The following CMBL variants were observed in gnomAD, a reference collection of about 807,000 sequenced individuals.
The protein encoded by CMBL is carboxymethylenebutenolidase homolog, also known as carboxymethylenebutenolidase homolog (Pseudomonas).
Under a neutral mutation model 28.7 loss-of-function variants are expected in CMBL, and 17 were observed. That is an observed-to-expected ratio of 0.59 (90% CI 0.41 to 0.89). The LOEUF is 0.89. Ranked by LOEUF, CMBL falls within the 40% of genes least tolerant of loss-of-function variation. The pLI is 0.00. For missense variants in CMBL, 310 were observed against 298.5 expected (o/e 1.04, Z -0.28); for synonymous variants, 106 against 101.6 (o/e 1.04, Z -0.26).
In CMBL at chr5:10,286,390, T is replaced by G; in HGVS notation, c.430A>C (p.Lys144Gln). 6.2e-7 allele frequency: 1 copy of G among 1,613,954 alleles called. No individual in the cohort carries two copies. The highest frequency in any genetic ancestry group is 8.5e-7 in the Non-Finnish European group (1 of 1,179,984). ...GGTAVHHLMM[K>Q]YSEFRAGVSV... ...ACCCCTGCCCTGAATTCTGAGTATT[T>G]CATCATCAAATGATGGACAGCAGTT... Residue 144 changes from lysine (K) to glutamine (Q), a missense_variant, in exon 4 of 6, where the codon AAA becomes CAA. By Grantham distance (53) the Lys-to-Gln change is moderately conservative (BLOSUM62 1). Transcript: ENST00000296658.
chr5:10,287,702 T>TTAAA (rs1283213602), intron 3 of CMBL, among the ~76,000 whole-genome samples: 1 of 151,862 alleles, frequency 6.6e-6, no homozygotes, highest in Non-Finnish European at 1.5e-5. Context: ...TTTTAAAATT[T>TTAAA]TTAATTAATT....
chr5:10,283,183 G>A (rs1334261727), intron 4 of CMBL, among the ~76,000 whole-genome samples: 1 of 152,044 alleles, frequency 6.6e-6, no homozygotes, highest in African/African-American at 2.4e-5. Flanking sequence ...TATGGACTGG[G>A]AATCAGGCCA....
chr5:10,291,630 C>T (rs1219248915), intron 1 of CMBL, among the ~76,000 whole-genome samples: 2 of 150,556 alleles, frequency 1.3e-5, no homozygotes, highest in African/African-American at 2.5e-5. Context: ...CACTGCACTC[C>T]AGCCTGGGGG....
intron 1 of CMBL, chr5:10,292,240 C>G (rs1387957064): frequency 6.6e-6 from 1 of 152,024 alleles, no homozygotes; most frequent in Non-Finnish European, 1.5e-5. Context: ...GAGACAGGAT[C>G]TTGCCCCGGC....
chr5:10,293,772 C>T (rs72740413), intron 1 of CMBL, among the ~76,000 whole-genome samples: 1 of 152,336 alleles, frequency 6.6e-6, no homozygotes, highest in Non-Finnish European at 1.5e-5. Flanking sequence ...GTGACAAACA[C>T]TGTCGAAGGT....
intron 1 of CMBL, among the ~76,000 whole-genome samples, chr5:10,298,026 C>T (rs1746838325): frequency 6.6e-6 from 1 of 151,712 alleles, no homozygotes; most frequent in Non-Finnish European, 1.5e-5. Context: ...CTGTTTCCTC[C>T]AGCCAGGTCC....
intron 1 of CMBL, among the ~76,000 whole-genome samples, chr5:10,301,664 C>T (rs1439268656): frequency 3.5e-5 from 5 of 141,396 alleles, no homozygotes; most frequent in African/African-American, 1.1e-4. Context: ...TTGCAGTGCA[C>T]GATCTCCGCT....
Position 10,307,761 on chromosome 5 carries a change from C to G in CMBL, c.-156G>C, listed in dbSNP as rs1394321532. The G allele has an allele frequency of 6.6e-6, 1 of 152,120 alleles. No homozygotes were observed. Among genetic ancestry groups the G allele is most frequent in the African/African-American group, 2.4e-5 (1 of 41,370 alleles). The allele number at this position is 152,120 out of a possible 1,614,324, so 9.4% of individuals were successfully genotyped here. ...CGGGGATCCTGCGGGACCAGTGGCT[C>G]CAGTCGTAGCCTCCTGGGAGAGCCA... On this transcript the variant is annotated 5_prime_UTR_variant, in exon 1 of 6. Transcript: ENST00000296658.
intron 1 of CMBL, among the ~76,000 whole-genome samples, chr5:10,296,895 T>C (rs1342762165): frequency 6.6e-6 from 1 of 152,082 alleles, no homozygotes; most frequent in African/African-American, 2.4e-5. Flanking sequence ...TAAAAGAAAC[T>C]GAGAGGAGAC....
intron 1 of CMBL, among the ~76,000 whole-genome samples, chr5:10,295,819 A>C (rs1746799006): frequency 6.6e-6 from 1 of 152,220 alleles, no homozygotes; most frequent in South Asian, 2.1e-4. Context: ...AACTGCCCAC[A>C]ACACTCTGCT....
At chr5:10,288,591 G>T in intron 2 of CMBL, 62 bp from the exon 3 acceptor site, 3 of 1,294,136 alleles carry the variant, frequency 2.3e-6, no homozygotes, top group African/African-American at 1.5e-5. Flanking sequence ...TATTTTGCTT[G>T]CATTTATTTA....
At chr5:10,282,999 A>G (rs1477194806) in intron 4 of CMBL, among the ~76,000 whole-genome samples, 1 of 148,972 alleles carries the variant, frequency 6.7e-6, no homozygotes. Flanking sequence ...CTGAGGCAGG[A>G]GAATGGCTTG....
chr5:10,286,309 ACCC>A (rs1311641425), intron 4 of CMBL, 42 bp downstream of exon 4: 3 of 1,579,946 alleles, frequency 1.9e-6, no homozygotes, highest in Non-Finnish European at 2.6e-6. Context: ...TCACTCTTCC[ACCC>A]CTCCCTTCTG....
intron 2 of CMBL, among the ~76,000 whole-genome samples, chr5:10,290,111 C>T (rs892684580): frequency 1.1e-4 from 17 of 152,296 alleles, no homozygotes; most frequent in African/African-American, 3.6e-4. Context: ...GAGGGGGCCA[C>T]GACCGTACGT....
At chr5:10,298,787 G>A (rs1475196343) in intron 1 of CMBL, among the ~76,000 whole-genome samples, 4 of 152,200 alleles carry the variant, frequency 2.6e-5, no homozygotes, top group Admixed American at 6.5e-5. Flanking sequence ...CAGCTACTCC[G>A]GAGGCTGAGG....
chr5:10,290,615 C>G lies in CMBL; in HGVS notation c.148G>C (p.Asp50His). The G allele has an allele frequency of 6.2e-7, 1 of 1,614,188 alleles. No homozygotes were observed. Among genetic ancestry groups the G allele is most frequent in the Non-Finnish European group, 8.5e-7 (1 of 1,180,042 alleles). Reference sequence around the variant, plus strand: ...TTGGGCAACTGCCAGCCAAATATATCTTGAATGACAATCACAGCTTTGCCT... The same window carrying G: ...TTGGGCAACTGCCAGCCAAATATATGTTGAATGACAATCACAGCTTTGCCT... ...DAGKAVIVIQ[D>H]IFGWQLPNTR... The change falls in exon 2 of 6, where the codon GAT becomes CAT. Residue 50 changes from aspartate to histidine, a missense_variant. Physicochemically the swap from Asp to His is moderately conservative, Grantham distance 81 (BLOSUM62 -1). Coordinates refer to ENST00000296658, the MANE Select transcript of CMBL (RefSeq NM_138809.4).
intron 4 of CMBL, among the ~76,000 whole-genome samples, chr5:10,282,521 G>A (rs183462695): frequency 1.4e-4 from 21 of 152,294 alleles, no homozygotes; most frequent in African/African-American, 5.1e-4. Flanking sequence ...GGTGGCTCAC[G>A]CCTGTAATCC....
chr5:10,284,732 A>G (rs1461459932), intron 4 of CMBL, among the ~76,000 whole-genome samples: 4 of 152,182 alleles, frequency 2.6e-5, no homozygotes, highest in Admixed American at 2.6e-4. Flanking sequence ...GATATTTTCC[A>G]TTTATGATGG....
At chr5:10,304,608 T>G (rs1746965764) in intron 1 of CMBL, among the ~76,000 whole-genome samples, 1 of 152,190 alleles carries the variant, frequency 6.6e-6, no homozygotes, top group Non-Finnish European at 1.5e-5. Context: ...ATGAAACTCA[T>G]CATTCTTTAG....
Sources: allele counts gnomAD v4.1 joint callset (sites outside exome capture counted in the v4.1 genomes callset), GRCh38; gene constraint gnomAD v4.1.1; transcripts MANE v1.5; gene names NCBI Gene and HGNC (gene_info 2026-07-23, HGNC 2026-07-21).